Variants in NSF observed in about 807,000 individuals in gnomAD.
NSF encodes the protein N-ethylmaleimide sensitive factor, vesicle fusing ATPase, also known as vesicle-fusing ATPase.
A neutral mutation model predicts 50.3 loss-of-function variants in NSF; 14 were observed. The ratio of observed to expected loss-of-function variants is 0.28; its 90% CI spans 0.18 to 0.44. The LOEUF (loss-of-function observed/expected upper bound fraction) is 0.44, where lower values mean the gene tolerates loss of function less well. Ranked by LOEUF, NSF falls within the 20% of genes least tolerant of loss-of-function variation. The pLI is 1.00. For missense variants in NSF, 218 were observed against 504.3 expected (o/e 0.43, Z 5.44); for synonymous variants, 109 against 175.7 (o/e 0.62, Z 3.00).
In NSF at chr17:46,726,622, C is replaced by T. The variant is rs1428177052; in HGVS notation, c.1828+7C>T. ...GACATTGAGAGATTGCTTGGTGAGT[C>T]CTAACTTCTGCTGTTGTATTATCTT... On this transcript the variant is annotated splice_region_variant and intron_variant, in intron 16 of 20. Transcript: ENST00000398238. 6.2e-7 allele frequency: 1 copy of T among 1,612,772 alleles called. No homozygotes were observed. The highest frequency in any genetic ancestry group is 1.1e-5 in the South Asian group (1 of 91,054).
chr17:46,714,123 A>G, intron 15 of NSF, 137 bp downstream of exon 15: 1 of 827,144 alleles, frequency 1.2e-6, no homozygotes, highest in Non-Finnish European at 1.8e-6. Flanking sequence ...AATTATCAGC[A>G]GAATATGGGG....
chr17:46,704,958 T>A, intron 13 of NSF, 104 bp downstream of exon 13: 2 of 1,089,142 alleles, frequency 1.8e-6, no homozygotes, highest in South Asian at 3.4e-5. Context: ...GGTTATAGCA[T>A]ATGCAGTTTC....
intron 17 of NSF, among the ~76,000 whole-genome samples, chr17:46,743,798 C>T (rs1044520422): frequency 3.3e-5 from 5 of 152,210 alleles, no homozygotes; most frequent in African/African-American, 1.2e-4. Context: ...ACAGGTCTTC[C>T]TCCTCAAGAG....
In NSF at chr17:46,746,498, A is replaced by G. The variant is rs1028596607; in HGVS notation, c.1909-3275A>G. 5.9e-5 allele frequency among the ~76,000 whole-genome samples: 9 copies of G among 152,338 alleles called. 1 individual carries two copies. Among genetic ancestry groups the G allele is most frequent in the Non-Finnish European group, 1.0e-4 (7 of 68,032 alleles). ...TTTGGTTTCTTAAAATCTTTTCCCGATAGCCCATTTATTTTAATGTTCTGA... is the reference window on the plus strand; with the variant it reads ...TTTGGTTTCTTAAAATCTTTTCCCGGTAGCCCATTTATTTTAATGTTCTGA... On this transcript the variant is annotated intron_variant, in intron 17 of 20. Transcript: ENST00000398238.
chr17:46,735,189 C>G (rs909609376), intron 17 of NSF, among the ~76,000 whole-genome samples: 1 of 152,036 alleles, frequency 6.6e-6, no homozygotes, highest in Non-Finnish European at 1.5e-5. Flanking sequence ...GATATTAATA[C>G]CAGAATAAAT....
chr17:46,621,212 A>G (rs1229636342), intron 1 of NSF, among the ~76,000 whole-genome samples: 1 of 149,792 alleles, frequency 6.7e-6, no homozygotes, highest in Non-Finnish European at 1.5e-5. Context: ...TTCTGACTTA[A>G]TTGCAGCAAT....
intron 14 of NSF, among the ~76,000 whole-genome samples, chr17:46,712,369 C>G (rs2058728180): frequency 6.6e-6 from 1 of 152,144 alleles, no homozygotes; most frequent in Non-Finnish European, 1.5e-5. Context: ...GCTGTTGTCT[C>G]TATTTTGTAG....
At chr17:46,721,714 G>T (rs1367620104) in intron 15 of NSF, 4 of 1,606,756 alleles carry the variant, frequency 2.5e-6, no homozygotes, top group Non-Finnish European at 3.4e-6. Context: ...TTATGAGCCG[G>T]CTGCTATCTA....
At position 46,740,818 on chromosome 17, in the gene NSF, C is replaced by T. The variant is rs144434964; in HGVS notation, c.1909-8955C>T. ...CTGGGATTACAGGCATGCACCACCA[C>T]GTCCAGCTAATTTTTGTATTTTTAG... On this transcript the variant is annotated intron_variant, in intron 17 of 20. Coordinates refer to ENST00000398238, the MANE Select transcript of NSF (RefSeq NM_006178.4). Among the ~76,000 whole-genome samples the T allele has an allele frequency of 3.5e-3, 528 of 152,132 alleles. 3 individuals carry two copies. Among genetic ancestry groups the T allele is most frequent in the African/African-American group, 0.012 (504 of 41,492 alleles).
chr17:46,694,337 A>T, intron 11 of NSF, 138 bp from the exon 12 acceptor site: 1 of 577,782 alleles, frequency 1.7e-6, no homozygotes, highest in Non-Finnish European at 2.9e-6. Context: ...CAGTGAGCTG[A>T]GATCGTACCA....
At chr17:46,753,708 A>G (rs1271236443) in intron 19 of NSF, among the ~76,000 whole-genome samples, 3 of 152,094 alleles carry the variant, frequency 2.0e-5, no homozygotes, top group Non-Finnish European at 4.4e-5. Context: ...GATCAAGTTA[A>G]TGCTTCTTAT....
intron 13 of NSF, among the ~76,000 whole-genome samples, chr17:46,710,010 T>C (rs927273678): frequency 4.6e-5 from 7 of 152,228 alleles, no homozygotes; most frequent in Non-Finnish European, 1.0e-4. Context: ...CACTGGATAC[T>C]GTTTCAAAGA....
chr17:46,740,907 C>A (rs1044477777), intron 17 of NSF, among the ~76,000 whole-genome samples: 1 of 151,978 alleles, frequency 6.6e-6, no homozygotes. Context: ...GGTGATCTGC[C>A]CGTCTCAATA....
Position 46,673,910 on chromosome 17 carries a change from G to GTGT in NSF, c.746-504_746-503insTGT, listed in dbSNP as rs1471807541. On this transcript the variant is annotated intron_variant, in intron 8 of 20. Coordinates refer to ENST00000398238, the MANE Select transcript of NSF (RefSeq NM_006178.4). ...TTATGGCTGAATAGTATTCCATGGG[G>GTGT]GTGTGTGTGTGTGTGTGTGTGTGTG... is the stretch of plus-strand genomic sequence containing the variant. Among the ~76,000 whole-genome samples, 50 of 6,990 alleles carry GTGT rather than the reference G, an allele frequency of 7.2e-3. 7 individuals are homozygous for GTGT. The highest frequency in any genetic ancestry group is 0.044 in the East Asian group (28 of 630). The allele number at this position is 6,990 out of a possible 152,430, so 4.6% of individuals were successfully genotyped here.
At chr17:46,721,939 T>C (rs1289302403) in intron 15 of NSF, 3 of 1,601,284 alleles carry the variant, frequency 1.9e-6, no homozygotes, top group African/African-American at 1.3e-5. Flanking sequence ...CTAGCCGGAC[T>C]TGGATTTTCT....
intron 17 of NSF, among the ~76,000 whole-genome samples, chr17:46,740,475 A>G (rs1054731715): frequency 9.2e-5 from 14 of 152,204 alleles, no homozygotes; most frequent in Non-Finnish European, 4.4e-5. Flanking sequence ...GGGTCAATTT[A>G]GGGTATATCA....
intron 19 of NSF, among the ~76,000 whole-genome samples, chr17:46,752,504 G>A (rs2059191357): frequency 6.6e-6 from 1 of 151,810 alleles, no homozygotes; most frequent in African/African-American, 2.4e-5. Flanking sequence ...CTCCCAGGCC[G>A]GAATGCAGTG....
At chr17:46,722,544 A>C (rs926613945) in intron 15 of NSF, among the ~76,000 whole-genome samples, 1 of 152,114 alleles carries the variant, frequency 6.6e-6, no homozygotes, top group African/African-American at 2.4e-5. Context: ...TAAATATCTC[A>C]CTTGGATTTT....
At chr17:46,744,904 G>T (rs1223234257) in intron 17 of NSF, among the ~76,000 whole-genome samples, 2 of 152,102 alleles carry the variant, frequency 1.3e-5, no homozygotes, top group Non-Finnish European at 2.9e-5. Flanking sequence ...TTTAACCTTG[G>T]AACAATGTTT....
Sources: allele counts gnomAD v4.1 joint callset (sites outside exome capture counted in the v4.1 genomes callset), GRCh38; gene constraint gnomAD v4.1.1; transcripts MANE v1.5; gene names NCBI Gene and HGNC (gene_info 2026-07-23, HGNC 2026-07-21).